Variants in KLHL13 observed in about 807,000 individuals in gnomAD.
The protein encoded by KLHL13 is kelch like family member 13.
A neutral mutation model predicts 37.1 loss-of-function variants in KLHL13; 10 were observed. That is an observed-to-expected ratio of 0.27 (90% CI 0.17 to 0.46). The LOEUF (loss-of-function observed/expected upper bound fraction) is 0.46. KLHL13 is among the 20% of genes least tolerant of loss of function. The pLI is 1.00. For missense variants in KLHL13, 360 were observed against 509.3 expected (o/e 0.71, Z 2.82); for synonymous variants, 163 against 181.2 (o/e 0.90, Z 0.81).
At chrX:118,031,201 A>G in intron 1 of KLHL13, among the ~76,000 whole-genome samples, 1 of 109,969 alleles carries the variant, frequency 9.1e-6, no homozygotes, top group African/African-American at 3.3e-5. Flanking sequence ...TTCTCTCAGA[A>G]GTTCATGTAG....
chrX:117,972,582 G>A (rs1201281745), intron 1 of KLHL13: 8 of 448,660 alleles, frequency 1.8e-5, no homozygotes, highest in Non-Finnish European at 3.1e-5. Context: ...GTGTGGGCAT[G>A]CCAACATCTT....
chrX:117,975,826 T>G (rs1382668388), upstream of KLHL13, among the ~76,000 whole-genome samples: 2 of 112,102 alleles, frequency 1.8e-5, no homozygotes, highest in East Asian at 5.5e-4. Context: ...AGGTAGAGTT[T>G]TCCAAATTCC....
chrX:117,975,329 A>ATG (rs1343375137), upstream of KLHL13, among the ~76,000 whole-genome samples: 1 of 112,292 alleles, frequency 8.9e-6, no homozygotes, highest in Non-Finnish European at 1.9e-5. Flanking sequence ...GCTATATATT[A>ATG]TGTAGTAAGG....
At chrX:118,076,333 T>A (rs758415287) in intron 1 of KLHL13, among the ~76,000 whole-genome samples, 10 of 111,989 alleles carry the variant, frequency 8.9e-5, no homozygotes, top group African/African-American at 3.2e-4. Flanking sequence ...GATAAATTAT[T>A]ATACACAATT....
intron 1 of KLHL13, among the ~76,000 whole-genome samples, chrX:117,984,965 T>C (rs1034441397): frequency 9.0e-5 from 10 of 110,676 alleles, no homozygotes; most frequent in African/African-American, 3.3e-4. Flanking sequence ...TATGTATATA[T>C]AGATATTTCT....
At chrX:117,904,360 G>A (rs770946486) in intron 5 of KLHL13, among the ~76,000 whole-genome samples, 1 of 111,002 alleles carries the variant, frequency 9.0e-6, no homozygotes, top group South Asian at 3.8e-4. Context: ...ATATTTACAC[G>A]ACACTCAGAT....
At chrX:117,968,049 G>C (rs1186581655) in intron 1 of KLHL13, among the ~76,000 whole-genome samples, 1 of 112,359 alleles carries the variant, frequency 8.9e-6, no homozygotes, top group Admixed American at 9.4e-5. Context: ...TTCAAATGTA[G>C]TGTCTTACAT....
chrX:117,901,032 T>A (rs554813091), intron 6 of KLHL13, among the ~76,000 whole-genome samples: 2 of 111,888 alleles, frequency 1.8e-5, no homozygotes, highest in African/African-American at 6.5e-5. Context: ...CAGAAAAATA[T>A]ATCTTCATGT....
rs73597425 is a variant in KLHL13, at chrX:118,018,694, C to T, written c.-55-73119G>A. Among the ~76,000 whole-genome samples the T allele has an allele frequency of 2.3e-3, 251 of 111,448 alleles. 2 individuals are homozygous for T. The highest frequency in any genetic ancestry group is 8.0e-3 in the African/African-American group (246 of 30,806). On this transcript the variant is annotated intron_variant, in intron 1 of 6. Transcript: ENST00000371882. Reference sequence around the variant, plus strand: ...AAATGTCTTCTTTCCTGTCTCTGAGCAGAATTTTTAAATATTCATAATATA... The same window carrying T: ...AAATGTCTTCTTTCCTGTCTCTGAGTAGAATTTTTAAATATTCATAATATA...
intron 6 of KLHL13, among the ~76,000 whole-genome samples, chrX:117,901,543 C>A (rs1174010450): frequency 2.5e-4 from 26 of 104,601 alleles, no homozygotes; most frequent in African/African-American, 9.1e-4. Flanking sequence ...CTCGCTCTTT[C>A]ACACAGGCTG....
At chrX:117,920,737 C>T (rs57693549) in intron 2 of KLHL13, among the ~76,000 whole-genome samples, 1,367 of 111,663 alleles carry the variant, frequency 0.012, 23 homozygotes, top group African/African-American at 0.042. Context: ...CATTCCTTTT[C>T]GCGATAATTT....
chrX:118,052,674 C>T (rs377180254), intron 1 of KLHL13, among the ~76,000 whole-genome samples: 1 of 107,262 alleles, frequency 9.3e-6, no homozygotes, highest in Non-Finnish European at 1.9e-5. Flanking sequence ...AAAAAAAAAA[C>T]AAAATACAAA....
intron 1 of KLHL13, among the ~76,000 whole-genome samples, chrX:117,969,741 G>T (rs181621611): frequency 9.0e-6 from 1 of 111,583 alleles, no homozygotes; most frequent in Non-Finnish European, 1.9e-5. Context: ...TGAATCTTTC[G>T]TATTTAAGAT....
intron 1 of KLHL13, among the ~76,000 whole-genome samples, chrX:117,998,010 T>G (rs2053875297): frequency 9.0e-6 from 1 of 111,341 alleles, no homozygotes; most frequent in Admixed American, 9.6e-5. Context: ...TATCGCTGCC[T>G]CACCAAGACA....
intron 4 of KLHL13, among the ~76,000 whole-genome samples, chrX:117,910,667 A>G: frequency 8.9e-6 from 1 of 111,860 alleles, no homozygotes; most frequent in Non-Finnish European, 1.9e-5. Context: ...ATTTAATAAG[A>G]TAATTATCCC....
At chrX:117,907,745 T>A (rs1930646199) in intron 5 of KLHL13, among the ~76,000 whole-genome samples, 1 of 110,208 alleles carries the variant, frequency 9.1e-6, no homozygotes, top group South Asian at 3.8e-4. Flanking sequence ...TGCGACATAG[T>A]CCAACAATCT....
At chrX:118,044,085 T>C (rs2148060626) in intron 1 of KLHL13, among the ~76,000 whole-genome samples, 2 of 112,121 alleles carry the variant, frequency 1.8e-5, no homozygotes, top group South Asian at 7.4e-4. Context: ...CATTTCTATA[T>C]GTCAAAAGTG....
chrX:118,059,840 C>T (rs1378930633), intron 1 of KLHL13, among the ~76,000 whole-genome samples: 1 of 111,104 alleles, frequency 9.0e-6, no homozygotes, highest in African/African-American at 3.3e-5. Context: ...TGGTTAAGAG[C>T]ATGGGCCCTG....
chrX:117,906,845 GGAT>G (rs1192618755), intron 5 of KLHL13, among the ~76,000 whole-genome samples: 1 of 110,589 alleles, frequency 9.0e-6, no homozygotes, highest in Non-Finnish European at 1.9e-5. Context: ...TCAAATAATT[GGAT>G]GATAACTAGA....
Sources: allele counts gnomAD v4.1 joint callset (sites outside exome capture counted in the v4.1 genomes callset), GRCh38; gene constraint gnomAD v4.1.1; transcripts MANE v1.5; gene names NCBI Gene and HGNC (gene_info 2026-07-23, HGNC 2026-07-21).